The following ZPR1 variants were observed in gnomAD, a reference collection of about 807,000 sequenced individuals.
ZPR1 encodes the protein zinc finger protein ZPR1.
Under a neutral mutation model 59.6 loss-of-function variants are expected in ZPR1, and 37 were observed. That is an observed-to-expected ratio of 0.62 (90% CI 0.48 to 0.82). The LOEUF is 0.82. Ranked by LOEUF, ZPR1 falls within the 40% of genes least tolerant of loss-of-function variation. The pLI, the probability that ZPR1 is intolerant of heterozygous loss-of-function variation, is 0.00. For synonymous variants in ZPR1, 191 were observed against 215.2 expected (o/e 0.89, Z 0.99); for missense variants, 527 against 579.9 (o/e 0.91, Z 0.94).
chr11:116,787,627 A>G lies in ZPR1; in HGVS notation c.188T>C (p.Leu63Pro). ...TCTGAAGAAGGGAATCTTGGTGAGC[A>G]GGAGGCGCGTCATGCCCTGGTGAAG... ...NCYCNGMTRL[L>P]LTKIPFFREI... Residue 63 changes from leucine to proline, a missense_variant, in exon 2 of 14, where the codon CTG becomes CCG. By Grantham distance (98) the Leu-to-Pro change is moderately conservative. Transcript: ENST00000227322. The G allele has an allele frequency of 6.2e-7, 1 of 1,612,008 alleles. No homozygotes were observed. The highest frequency in any genetic ancestry group is 8.5e-7 in the Non-Finnish European group (1 of 1,178,152).
chr11:116,774,754 C>G lies in ZPR1; in HGVS notation c.*4171G>C, dbSNP rs925255542. On this transcript the variant is annotated 3_prime_UTR_variant, in exon 14 of 14. Coordinates refer to ENST00000227322, the MANE Select transcript of ZPR1 (RefSeq NM_003904.5). ...GCCCCAGGGTACCCCATACACAAGCCTGCCTTGGCTTCTCGTCCAATTTGG... is the reference window on the plus strand; with the variant it reads ...GCCCCAGGGTACCCCATACACAAGCGTGCCTTGGCTTCTCGTCCAATTTGG... The G allele has an allele frequency of 2.0e-5, 3 of 152,294 alleles. No individual in the cohort carries two copies. Among genetic ancestry groups the G allele is most frequent in the African/African-American group, 7.2e-5 (3 of 41,444 alleles). The allele number at this position is 152,294 out of a possible 1,614,324, so 9.4% of individuals were successfully genotyped here.
At chr11:116,787,677 C>A in intron 1 of ZPR1, 34 bp from the exon 2 acceptor site, 1 of 1,595,488 alleles carries the variant, frequency 6.3e-7, no homozygotes, top group African/African-American at 1.3e-5. Context: ...GGAAAAAAAT[C>A]AATGAAACTC....
intron 12 of ZPR1, among the ~76,000 whole-genome samples, chr11:116,780,608 T>C (rs1393226549): frequency 6.6e-6 from 1 of 152,100 alleles, no homozygotes; most frequent in Middle Eastern, 3.2e-3. Flanking sequence ...GAGGATTCTG[T>C]AATATAAATT....
At chr11:116,781,927 G>C (rs914098556) in intron 12 of ZPR1, among the ~76,000 whole-genome samples, 1 of 151,672 alleles carries the variant, frequency 6.6e-6, no homozygotes, top group Non-Finnish European at 1.5e-5. Context: ...CAGCAGAATC[G>C]CATGAACCCG....
rs542414865 is a variant in ZPR1 at position 116,779,596 on chromosome 11, A to G, written c.1245+176T>C. ...TTTCCTTCTTTACATACACTTAAAAAAAAAATCCCCTCCCACACCCCCCTC... is the reference window on the plus strand; with the variant it reads ...TTTCCTTCTTTACATACACTTAAAAGAAAAATCCCCTCCCACACCCCCCTC... On this transcript the variant is annotated intron_variant, in intron 13 of 13. Transcript: ENST00000227322. Among the ~76,000 whole-genome samples the G allele has an allele frequency of 3.9e-5, 6 of 152,184 alleles. No individual in the cohort carries two copies. In the South Asian group the frequency reaches 8.3e-4, roughly 21 times the overall value.
chr11:116,787,085 A>G (rs1361234100), intron 2 of ZPR1, 26 bp from the exon 3 acceptor site: 1 of 1,584,974 alleles, frequency 6.3e-7, no homozygotes, highest in Admixed American at 1.7e-5. Flanking sequence ...TACGTTCAGT[A>G]CAAAGAGACT....
intron 9 of ZPR1, 67 bp from the exon 10 acceptor site, chr11:116,783,686 G>A (rs918919165): frequency 8.3e-6 from 11 of 1,319,444 alleles, no homozygotes; most frequent in South Asian, 5.9e-5. Flanking sequence ...CAGGAGACCT[G>A]GAGTGTAGGC....
chr11:116,781,926 C>T (rs761252779), intron 12 of ZPR1, among the ~76,000 whole-genome samples: 30 of 151,568 alleles, frequency 2.0e-4, no homozygotes, highest in Non-Finnish European at 3.2e-4. Flanking sequence ...GCAGCAGAAT[C>T]GCATGAACCC....
intron 12 of ZPR1, among the ~76,000 whole-genome samples, chr11:116,780,850 G>A (rs1266129742): frequency 6.6e-6 from 1 of 151,992 alleles, no homozygotes; most frequent in African/African-American, 2.4e-5. Context: ...ACTGAAAGAT[G>A]GGAAATCAAA....
chr11:116,788,021 C>T lies in ZPR1; in HGVS notation c.-31G>A, dbSNP rs1392580660. ...CCACGCGCAATTCAGACCTCGGCTT[C>T]CTACTTCCGCCGCTCTCGCGGCCCC... On this transcript the variant is annotated 5_prime_UTR_variant, in exon 1 of 14. Transcript: ENST00000227322. 2 of 1,411,612 alleles carry T rather than the reference C, an allele frequency of 1.4e-6. No individual in the cohort carries two copies. Among genetic ancestry groups the T allele is most frequent in the African/African-American group, 3.0e-5 (2 of 66,426 alleles). 87.4% of individuals were successfully genotyped at this position (1,411,612 alleles called of 1,614,324 possible). A position where few individuals can be genotyped will look rare whatever the true frequency, so the allele number is the denominator to read the frequency against.
rs1940744773 is a variant in ZPR1, at chr11:116,777,818, A to G, written c.*1107T>C. 6.6e-6 allele frequency: 1 copy of G among 152,222 alleles called. No homozygotes were observed. The highest frequency in any genetic ancestry group is 2.1e-4 in the South Asian group (1 of 4,834). 9.4% of individuals were successfully genotyped at this position (152,222 alleles called of 1,614,324 possible). ...GAGGCAGGAGACTACAGTGCAAAGA[A>G]CACTGGCTGGGAAGTCCAGGGCCCA... On this transcript the variant is annotated 3_prime_UTR_variant, in exon 14 of 14. Transcript: ENST00000227322.
intron 4 of ZPR1, 24 bp downstream of exon 4, chr11:116,786,487 T>C: frequency 1.2e-6 from 2 of 1,614,098 alleles, no homozygotes; most frequent in South Asian, 2.2e-5. Context: ...CTTGAGCTGC[T>C]ACAATCAGAA....
Position 116,787,647 on chromosome 11 carries a change from G to A in ZPR1, c.172-4C>T. 2 of 1,607,888 alleles carry A rather than the reference G, an allele frequency of 1.2e-6. No homozygotes were observed. Among genetic ancestry groups the A allele is most frequent in the Non-Finnish European group, 1.7e-6 (2 of 1,174,932 alleles). On this transcript the variant is annotated splice_polypyrimidine_tract_variant and splice_region_variant and intron_variant, in intron 1 of 13. Transcript: ENST00000227322. ...TGAGCAGGAGGCGCGTCATGCCCTG[G>A]TGAAGTAGAAAGTAGCTAAGGAAAA...
In ZPR1 at chr11:116,778,867, C is replaced by A. The variant is rs893756693; in HGVS notation, c.*58G>T. On this transcript the variant is annotated 3_prime_UTR_variant, in exon 14 of 14. Coordinates refer to ENST00000227322, the MANE Select transcript of ZPR1 (RefSeq NM_003904.5). ...TCCCAGCCTTCGCCTTCATCCAATA[C>A]TAATAAATAACCTACAGAAAGAGCA... is the stretch of plus-strand genomic sequence containing the variant. 2.5e-6 allele frequency: 4 copies of A among 1,588,174 alleles called. No individual in the cohort carries two copies. The highest frequency in any genetic ancestry group is 2.6e-6 in the Non-Finnish European group (3 of 1,170,412).
intron 10 of ZPR1, 90 bp from the exon 11 acceptor site, chr11:116,783,119 G>T: frequency 1.1e-6 from 1 of 940,430 alleles, no homozygotes; most frequent in South Asian, 1.4e-5. Context: ...AGCAGTGATA[G>T]ACTGCGGACA....
rs567796689 is a variant in ZPR1 at position 116,775,489 on chromosome 11, A to T, written c.*3436T>A. The T allele has an allele frequency of 6.5e-6, 1 of 154,852 alleles. No homozygotes were observed. Among genetic ancestry groups the T allele is most frequent in the South Asian group, 2.1e-4 (1 of 4,828 alleles). The allele number at this position is 154,852 out of a possible 1,614,324, so 9.6% of individuals were successfully genotyped here. ...AAAAAAAAAAAAAAATTAGCCAGGC[A>T]TGGTGGCGTGCACCTGTAGTCCCAG... On this transcript the variant is annotated 3_prime_UTR_variant, in exon 14 of 14. Transcript: ENST00000227322.
At chr11:116,781,237 A>C (rs1441684852) in intron 12 of ZPR1, among the ~76,000 whole-genome samples, 1 of 152,154 alleles carries the variant, frequency 6.6e-6, no homozygotes, top group Non-Finnish European at 1.5e-5. Flanking sequence ...GAAAAAAGAT[A>C]ATCTTCAATA....
intron 10 of ZPR1, among the ~76,000 whole-genome samples, chr11:116,783,265 A>T (rs895803361): frequency 1.3e-5 from 2 of 152,196 alleles, no homozygotes; most frequent in African/African-American, 4.8e-5. Context: ...GTATCCTGTC[A>T]CTAGGGGACA....
chr11:116,787,698 C>T, intron 1 of ZPR1, 55 bp from the exon 2 acceptor site: 2 of 1,576,610 alleles, frequency 1.3e-6, no homozygotes, highest in East Asian at 2.3e-5. Flanking sequence ...CCTTTCCCCG[C>T]CCTACTATCT....
Sources: allele counts gnomAD v4.1 joint callset (sites outside exome capture counted in the v4.1 genomes callset), GRCh38; gene constraint gnomAD v4.1.1; transcripts MANE v1.5; gene names NCBI Gene and HGNC (gene_info 2026-07-23, HGNC 2026-07-21).